The following USP11 variants were observed in gnomAD, a reference collection of about 807,000 sequenced individuals.
The protein encoded by USP11 is ubiquitin specific peptidase 11, also known as ubiquitin carboxyl-terminal hydrolase 11.
A neutral mutation model predicts 72.8 loss-of-function variants in USP11; 5 were observed. The ratio of observed to expected loss-of-function variants is 0.07; its 90% confidence interval spans 0.04 to 0.14. USP11 has a LOEUF of 0.14. Ranked by LOEUF, USP11 falls within the 10% of genes least tolerant of loss-of-function variation. USP11 has a pLI of 1.00. For missense variants in USP11, 480 were observed against 794.7 expected (o/e 0.60, Z 4.76); for synonymous variants, 368 against 326.5 (o/e 1.13, Z -1.37).
rs111628510 is a variant in USP11 at position 47,243,264 on chromosome X, AAAAT to A, written c.1584-112_1584-109del. The A allele has an allele frequency of 1.8e-3, 1,185 of 654,644 alleles. 5 individuals carry two copies. The highest frequency in any genetic ancestry group is 2.4e-3 in the Non-Finnish European group (1,103 of 452,869). The allele number at this position is 654,644 out of a possible 1,213,427, so 54.0% of individuals were successfully genotyped here. A position where few individuals can be genotyped will look rare whatever the true frequency, so the allele number is the denominator to read the frequency against. On this transcript the variant is annotated intron_variant, in intron 12 of 20. Transcript: ENST00000377107. ...GGCAACAGAGCGAGACTCCGTCTCAAAAATAAATAAATAAATAAATAAAAATAAA... is the reference window on the plus strand; with the variant it reads ...GGCAACAGAGCGAGACTCCGTCTCAAAAATAAATAAATAAATAAAAATAAA...
intron 17 of USP11, among the ~76,000 whole-genome samples, chrX:47,245,874 C>G (rs557903071): frequency 9.0e-6 from 1 of 111,322 alleles, no homozygotes; most frequent in East Asian, 2.8e-4. Context: ...TACCTTCCTC[C>G]TCCCTCCTCC....
In USP11 at chrX:47,247,790, C is replaced by T; in HGVS notation, c.2626-3C>T. ...CACACTGACTCCTGTCCTCTCCCCACAGTCCAAGGCAGCCTATGTCCTCTT... is the reference window on the plus strand; with the variant it reads ...CACACTGACTCCTGTCCTCTCCCCATAGTCCAAGGCAGCCTATGTCCTCTT... On this transcript the variant is annotated splice_region_variant and splice_polypyrimidine_tract_variant and intron_variant, in intron 20 of 20. Transcript: ENST00000377107. 1 of 1,206,108 alleles carries T rather than the reference C, an allele frequency of 8.3e-7. No individual in the cohort carries two copies. The highest frequency in any genetic ancestry group is 3.0e-5 in the East Asian group (1 of 33,697).
Position 47,247,645 on chromosome X carries a change from G to A in USP11, c.2571G>A (p.Gln857=), listed in dbSNP as rs61760202. The A allele has an allele frequency of 1.0e-4, 125 of 1,209,054 alleles. No individual in the cohort carries two copies. In the South Asian group the frequency reaches 2.1e-3, roughly 20 times the overall value. ...TTGCCTGCAACAAGGACAGCGGCCA[G>A]TGGCACTACTTTGATGACAACAGCG... ...TTFACNKDSG[Q]WHYFDDNSVS... Residue 857 remains glutamine, a synonymous_variant, in exon 20 of 21, where the codon CAG becomes CAA. Transcript: ENST00000377107.
At chrX:47,245,576 C>T in intron 17 of USP11, 94 bp downstream of exon 17, 2 of 551,539 alleles carry the variant, frequency 3.6e-6, no homozygotes, top group South Asian at 6.3e-5. Context: ...CAGAGTCTGG[C>T]TCTGTCAACC....
At chrX:47,240,997 G>A in intron 7 of USP11, 121 bp downstream of exon 7, 1 of 729,405 alleles carries the variant, frequency 1.4e-6, no homozygotes, top group Non-Finnish European at 2.0e-6. Flanking sequence ...GAAAGCTGAG[G>A]CCCCACAAGT....
At chrX:47,242,795 C>A in intron 12 of USP11, 75 bp downstream of exon 12, 1 of 803,139 alleles carries the variant, frequency 1.2e-6, no homozygotes, top group Admixed American at 2.3e-5. Flanking sequence ...CCTGCCTTAA[C>A]CACCTTCTCT....
intron 1 of USP11, among the ~76,000 whole-genome samples, chrX:47,237,780 GTGTGTA>G (rs1386555979): frequency 0.018 from 470 of 26,815 alleles, 4 homozygotes; most frequent in African/African-American, 0.035. Context: ...GAACAGGTGT[GTGTGTA>G]TGTGTGTGTG....
chrX:47,239,238 T>C, intron 2 of USP11, 59 bp downstream of exon 2: 1 of 1,176,755 alleles, frequency 8.5e-7, no homozygotes, highest in Non-Finnish European at 1.1e-6. Flanking sequence ...CTTCCGTCCC[T>C]ACAGATGATC....
At chrX:47,246,896 C>G (rs779928453) in intron 17 of USP11, among the ~76,000 whole-genome samples, 176 bp from the exon 18 acceptor site, 12 of 110,169 alleles carry the variant, frequency 1.1e-4, no homozygotes, top group Non-Finnish European at 2.1e-4. Context: ...TGGTGCATGC[C>G]TGTAATTCCA....
chrX:47,242,890 C>A (rs2055410797), intron 12 of USP11, among the ~76,000 whole-genome samples, 170 bp downstream of exon 12: 1 of 111,671 alleles, frequency 9.0e-6, no homozygotes, highest in Non-Finnish European at 1.9e-5. Flanking sequence ...GCAGGAGAAT[C>A]ACTTGAACCC....
chrX:47,241,942 G>A, intron 9 of USP11, 140 bp from the exon 10 acceptor site: 1 of 756,098 alleles, frequency 1.3e-6, no homozygotes, highest in Non-Finnish European at 1.9e-6. Context: ...CGTGAACATA[G>A]TCTCTGTGTA....
chrX:47,237,160 T>C (rs1001379357), intron 1 of USP11, among the ~76,000 whole-genome samples: 2 of 111,755 alleles, frequency 1.8e-5, no homozygotes, highest in African/African-American at 6.5e-5. Flanking sequence ...TACCTTTGCA[T>C]TGGAAGGTAC....
At chrX:47,240,530 A>G in intron 5 of USP11, 57 bp from the exon 6 acceptor site, 2 of 1,209,300 alleles carry the variant, frequency 1.7e-6, no homozygotes, top group Non-Finnish European at 2.2e-6. Context: ...AATGAAGGCT[A>G]GGTACCCATA....
intron 17 of USP11, among the ~76,000 whole-genome samples, chrX:47,246,835 A>G (rs1213612892): frequency 9.0e-6 from 1 of 110,661 alleles, no homozygotes; most frequent in East Asian, 2.8e-4. Context: ...AGCCTGGCCA[A>G]CATGGTGAAA....
At chrX:47,237,777 TGTGTGTGTATGTGTGTG>T (rs1288888575) in intron 1 of USP11, among the ~76,000 whole-genome samples, 60 of 25,927 alleles carry the variant, frequency 2.3e-3, no homozygotes, top group Non-Finnish European at 5.2e-3. Flanking sequence ...GCAGAACAGG[TGTGTGTGTATGTGTGTG>T]TGTGTGTGTG....
chrX:47,239,000 G>A, intron 1 of USP11, 70 bp from the exon 2 acceptor site: 1 of 705,430 alleles, frequency 1.4e-6, no homozygotes, highest in Non-Finnish European at 2.2e-6. Flanking sequence ...TCAGTCTGTT[G>A]GGCATGGGAA....
At position 47,239,705 on chromosome X, in the gene USP11, CAG is replaced by C. The variant is rs890579267; in HGVS notation, c.418-82_418-81del. 11 of 1,037,223 alleles carry C rather than the reference CAG, an allele frequency of 1.1e-5. No homozygotes were observed. In the African/African-American group the frequency reaches 1.9e-4, roughly 17 times the overall value. 85.5% of individuals were successfully genotyped at this position (1,037,223 alleles called of 1,213,427 possible). ...GTGTTTGTATGCTATGTTTGTAAGG[CAG>C]AGTGTGTGCTCCTCTCATTTGAGAG... On this transcript the variant is annotated intron_variant, in intron 3 of 20. Transcript: ENST00000377107.
intron 1 of USP11, among the ~76,000 whole-genome samples, chrX:47,236,007 G>T (rs745954762): frequency 9.0e-6 from 1 of 111,672 alleles, no homozygotes; most frequent in Non-Finnish European, 1.9e-5. Flanking sequence ...TTGATAATAC[G>T]CTTTAAAATT....
At chrX:47,243,309 T>C (rs2055413768) in intron 12 of USP11, 87 bp from the exon 13 acceptor site, 4 of 915,320 alleles carry the variant, frequency 4.4e-6, no homozygotes, top group Non-Finnish European at 6.2e-6. Flanking sequence ...CTTCAGGCTG[T>C]GAGGATGAGT....
Sources: gnomAD v4.1 joint callset for allele counts (sites outside exome capture counted in the v4.1 genomes callset) on GRCh38, gnomAD v4.1.1 for gene constraint, MANE v1.5 for transcripts, NCBI Gene and HGNC (gene_info 2026-07-23, HGNC 2026-07-21) for gene names.